Variants in NPAS3 observed in about 807,000 individuals in gnomAD.
NPAS3 encodes the protein neuronal PAS domain protein 3.
A neutral mutation model predicts 73.1 loss-of-function variants in NPAS3; 14 were observed. The observed-to-expected ratio is 0.19, with a 90% CI of 0.13 to 0.30. NPAS3 has a LOEUF of 0.30. Ranked by LOEUF, NPAS3 falls within the 10% of genes least tolerant of loss-of-function variation. NPAS3 has a pLI of 1.00. For missense variants in NPAS3, 1,096 were observed against 1,250.0 expected, an observed-to-expected ratio of 0.88 and a Z score of 1.86; for synonymous variants, 620 against 541.5, an observed-to-expected ratio of 1.14 and a Z score of -2.01.
chr14:33,296,451 A>G (rs944254478), intron 3 of NPAS3, among the ~76,000 whole-genome samples: 2 of 152,178 alleles, frequency 1.3e-5, no homozygotes, highest in African/African-American at 4.8e-5. Context: ...GTGTCTTTAC[A>G]GCATTTCTTT....
At chr14:33,671,089 CT>C (rs2059598045) in intron 5 of NPAS3, among the ~76,000 whole-genome samples, 1 of 152,128 alleles carries the variant, frequency 6.6e-6, no homozygotes, top group Admixed American at 6.5e-5. Flanking sequence ...CTTTCTTTAT[CT>C]AAGCATTCTC....
intron 1 of NPAS3, among the ~76,000 whole-genome samples, chr14:33,041,487 CA>C (rs2040345591): frequency 6.6e-6 from 1 of 152,178 alleles, no homozygotes; most frequent in Admixed American, 6.5e-5. Flanking sequence ...TTTCCAATTA[CA>C]TACCATTTTC....
intron 3 of NPAS3, among the ~76,000 whole-genome samples, chr14:33,354,612 T>G (rs894280231): frequency 5.3e-5 from 8 of 152,176 alleles, no homozygotes; most frequent in Non-Finnish European, 8.8e-5. Context: ...CCTCAGGCCC[T>G]TTAGGCATCA....
upstream of NPAS3, among the ~76,000 whole-genome samples, chr14:32,938,625 C>T (rs1056664668): frequency 6.6e-6 from 1 of 151,702 alleles, no homozygotes; most frequent in African/African-American, 2.4e-5. Flanking sequence ...TGGAACCCCC[C>T]GCGTGTCCTC....
At chr14:33,164,758 G>A (rs2045056273) in intron 2 of NPAS3, among the ~76,000 whole-genome samples, 1 of 151,866 alleles carries the variant, frequency 6.6e-6, no homozygotes, top group Admixed American at 6.6e-5. Context: ...ACTTTCCTGG[G>A]TACCCAGAGC....
chr14:32,999,516 A>C (rs1354519489), intron 1 of NPAS3, among the ~76,000 whole-genome samples: 2 of 152,202 alleles, frequency 1.3e-5, no homozygotes, highest in Non-Finnish European at 2.9e-5. Flanking sequence ...ATCTCAAAAA[A>C]AAAAAATAAA....
chr14:32,963,001 C>T (rs772914702), intron 1 of NPAS3, among the ~76,000 whole-genome samples: 2 of 151,226 alleles, frequency 1.3e-5, no homozygotes, highest in East Asian at 1.9e-4. Context: ...TGCACATTTC[C>T]TTCTAATTCA....
At chr14:33,276,562 C>G (rs1409633637) in intron 3 of NPAS3, among the ~76,000 whole-genome samples, 2 of 152,030 alleles carry the variant, frequency 1.3e-5, no homozygotes, top group South Asian at 2.1e-4. Flanking sequence ...GGATAAATCC[C>G]AAGTTTACCA....
intron 2 of NPAS3, among the ~76,000 whole-genome samples, chr14:33,101,271 C>T (rs2042568804): frequency 6.6e-6 from 1 of 152,028 alleles, no homozygotes; most frequent in African/African-American, 2.4e-5. Flanking sequence ...AAAGTTATGC[C>T]TAGTTGTTAC....
At chr14:33,092,354 G>GA (rs1414209065) in intron 2 of NPAS3, among the ~76,000 whole-genome samples, 1 of 152,098 alleles carries the variant, frequency 6.6e-6, no homozygotes, top group African/African-American at 2.4e-5. Context: ...AATCATGAGT[G>GA]ACTCCCATTC....
chr14:33,226,638 C>T (rs2139744851), intron 3 of NPAS3, among the ~76,000 whole-genome samples: 1 of 152,270 alleles, frequency 6.6e-6, no homozygotes, highest in South Asian at 2.1e-4. Context: ...GAAATAGCTC[C>T]TGTGGTCTTC....
At chr14:33,277,333 G>C (rs147905026) in intron 3 of NPAS3, among the ~76,000 whole-genome samples, 99 of 152,222 alleles carry the variant, frequency 6.5e-4, no homozygotes, top group African/African-American at 2.4e-3. Context: ...ACCATATGCA[G>C]TTCACTGTAT....
intron 4 of NPAS3, among the ~76,000 whole-genome samples, chr14:33,505,419 C>T (rs1273591812): frequency 6.6e-6 from 1 of 151,888 alleles, no homozygotes; most frequent in Non-Finnish European, 1.5e-5. Flanking sequence ...CATGTTCCTT[C>T]GAAAGTTTTG....
At chr14:33,565,913 A>G (rs887341226) in intron 5 of NPAS3, among the ~76,000 whole-genome samples, 32 of 152,080 alleles carry the variant, frequency 2.1e-4, no homozygotes, top group African/African-American at 7.2e-4. Flanking sequence ...AAGCAGAAAA[A>G]TATATAATTT....
intron 1 of NPAS3, among the ~76,000 whole-genome samples, chr14:32,940,192 A>G (rs1278117041): frequency 6.6e-6 from 1 of 152,262 alleles, no homozygotes; most frequent in East Asian, 1.9e-4. Context: ...TGTGTTTTAA[A>G]AAGTTCCTGG....
At chr14:33,054,698 T>C (rs1959175) in intron 1 of NPAS3, among the ~76,000 whole-genome samples, 63,655 of 150,822 alleles carry the variant, frequency 0.42, 16,345 homozygotes, top group African/African-American at 0.73. Context: ...TTGCAAACTC[T>C]GCCTCCCAGA....
At chr14:33,398,647 T>G (rs970852035) in intron 4 of NPAS3, among the ~76,000 whole-genome samples, 1 of 152,100 alleles carries the variant, frequency 6.6e-6, no homozygotes, top group African/African-American at 2.4e-5. Flanking sequence ...GTACAGATTT[T>G]TAAAGATATG....
At chr14:33,751,420 G>A (rs1566499190) in intron 7 of NPAS3, among the ~76,000 whole-genome samples, 1 of 152,028 alleles carries the variant, frequency 6.6e-6, no homozygotes, top group Non-Finnish European at 1.5e-5. Context: ...ATAGACATTT[G>A]GAGAAGAGCA....
In NPAS3 at chr14:33,612,390, T is replaced by C. The variant is rs889832312; in HGVS notation, c.558+52180T>C. On this transcript the variant is annotated intron_variant, in intron 5 of 11. Coordinates refer to ENST00000356141, the Ensembl canonical transcript of NPAS3. ...CCCACGCCCTGAAACCTGTTGTCTT[T>C]TCTACCCTCCACAGGCACAGACACT... 2.0e-5 allele frequency: 9 copies of C among 455,850 alleles called. No individual in the cohort carries two copies. In the Admixed American group the frequency reaches 2.1e-4, roughly 11 times the overall value. 28.2% of individuals were successfully genotyped at this position (455,850 alleles called of 1,614,324 possible). A position where few individuals can be genotyped will look rare whatever the true frequency, so the allele number is the denominator to read the frequency against.
Sources: allele counts gnomAD v4.1 joint callset (sites outside exome capture counted in the v4.1 genomes callset), GRCh38; gene constraint gnomAD v4.1.1; transcripts MANE v1.5; gene names NCBI Gene and HGNC (gene_info 2026-07-23, HGNC 2026-07-21).